GASK1B: variants seen among roughly 807,000 people sequenced by gnomAD.
The protein encoded by GASK1B is golgi associated kinase 1B.
In GASK1B, 34 loss-of-function variants were observed where a neutral mutation model predicts 42.8. The ratio of observed to expected loss-of-function variants is 0.79; its 90% CI spans 0.60 to 1.06. The LOEUF (loss-of-function observed/expected upper bound fraction) is 1.06. GASK1B is among the 50% of genes least tolerant of loss of function. The pLI is 0.00. For missense variants in GASK1B, 686 were observed against 661.0 expected (o/e 1.04, Z -0.42); for synonymous variants, 262 against 259.1 (o/e 1.01, Z -0.11).
intron 3 of GASK1B, among the ~76,000 whole-genome samples, chr4:158,138,242 T>C (rs1730980880): frequency 6.6e-6 from 1 of 152,166 alleles, no homozygotes. Flanking sequence ...CAACAATCTA[T>C]TTTTGGAGAA....
At chr4:158,163,284 G>C (rs1440035305) in intron 2 of GASK1B, among the ~76,000 whole-genome samples, 1 of 152,180 alleles carries the variant, frequency 6.6e-6, no homozygotes, top group Admixed American at 6.5e-5. Flanking sequence ...GCACTCAAGA[G>C]TGTTAGCTGG....
In GASK1B at chr4:158,125,491, G is replaced by T. The variant is rs908381469; in HGVS notation, c.*1916C>A. The T allele has an allele frequency of 2.6e-5, 4 of 152,094 alleles. No homozygotes were observed. The highest frequency in any genetic ancestry group is 9.7e-5 in the African/African-American group (4 of 41,434). The allele number at this position is 152,094 out of a possible 1,614,324, so 9.4% of individuals were successfully genotyped here. A position where few individuals can be genotyped will look rare whatever the true frequency, so the allele number is the denominator to read the frequency against. On this transcript the variant is annotated 3_prime_UTR_variant, in exon 5 of 5. Coordinates refer to ENST00000585682, the MANE Select transcript of GASK1B (RefSeq NM_001128424.2). ...GGATGTCAGGCAACTTGCCAAAAGA[G>T]TTATTTCAAGTCAGTGGCTCAAAGT...
At chr4:158,127,811 T>C (rs1451829732) in intron 4 of GASK1B, among the ~76,000 whole-genome samples, 197 bp from the exon 5 acceptor site, 5 of 152,178 alleles carry the variant, frequency 3.3e-5, no homozygotes, top group East Asian at 1.9e-4. Flanking sequence ...TCCAGTGAAC[T>C]GAATATTCTA....
chr4:158,127,507 T>C lies in GASK1B; in HGVS notation c.1460A>G (p.Gln487Arg). Reference protein sequence around the residue: ...KVYWESQGGRQGIEKLIDVIE... With the variant: ...KVYWESQGGRRGIEKLIDVIE... ...TACATCGATAAGCTTTTCAATTCCT[T>C]GTCTACCTCCTTGACTTTCCCAATA... The change falls in exon 5 of 5, where the codon CAA becomes CGA. Residue 487 changes from glutamine to arginine, a missense_variant. Physicochemically the swap from Gln to Arg is conservative, Grantham distance 43. Transcript: ENST00000585682. 1 of 1,613,848 alleles carries C rather than the reference T, an allele frequency of 6.2e-7. No homozygotes were observed. The highest frequency in any genetic ancestry group is 8.5e-7 in the Non-Finnish European group (1 of 1,179,826).
chr4:158,162,960 T>C (rs1220851089), intron 2 of GASK1B, among the ~76,000 whole-genome samples: 1 of 152,216 alleles, frequency 6.6e-6, no homozygotes, highest in African/African-American at 2.4e-5. Context: ...TACTGCACGC[T>C]ACCTGTAGGC....
At chr4:158,159,532 G>A (rs1731886535) in intron 2 of GASK1B, 1 of 450,346 alleles carries the variant, frequency 2.2e-6, no homozygotes, top group African/African-American at 2.0e-5. Flanking sequence ...GTGTTTCAGA[G>A]ATGAGAAGCA....
chr4:158,132,356 G>A (rs980033655), intron 3 of GASK1B, among the ~76,000 whole-genome samples: 1 of 152,106 alleles, frequency 6.6e-6, no homozygotes, highest in African/African-American at 2.4e-5. Context: ...AAGGGATGCC[G>A]AAAAGCAGTG....
intron 3 of GASK1B, among the ~76,000 whole-genome samples, chr4:158,146,656 A>G (rs1423284848): frequency 1.3e-5 from 2 of 152,242 alleles, no homozygotes; most frequent in African/African-American, 4.8e-5. Flanking sequence ...TGGGACTGAA[A>G]TGTAACTGAC....
intron 2 of GASK1B, among the ~76,000 whole-genome samples, chr4:158,166,888 C>G (rs551188274): frequency 2.0e-5 from 3 of 152,138 alleles, no homozygotes; most frequent in Admixed American, 2.0e-4. Context: ...TTGAGGGACG[C>G]AGATTTATGA....
chr4:158,134,339 A>C (rs1320868740), intron 3 of GASK1B, among the ~76,000 whole-genome samples: 1 of 152,214 alleles, frequency 6.6e-6, no homozygotes, highest in East Asian at 1.9e-4. Context: ...TTTAGTGCAC[A>C]CTTAAAACAT....
At chr4:158,136,022 C>A (rs550048591) in intron 3 of GASK1B, among the ~76,000 whole-genome samples, 2 of 152,134 alleles carry the variant, frequency 1.3e-5, no homozygotes, top group South Asian at 2.1e-4. Flanking sequence ...ACCAGATAAA[C>A]ATCTTGTTAG....
At chr4:158,170,384 T>G in intron 2 of GASK1B, 82 bp downstream of exon 2, 1 of 1,614,010 alleles carries the variant, frequency 6.2e-7, no homozygotes, top group Non-Finnish European at 8.5e-7. Context: ...GAAAAATCAT[T>G]TAGAAAAAGA....
chr4:158,133,209 T>A (rs1424567442), intron 3 of GASK1B, among the ~76,000 whole-genome samples: 1 of 152,178 alleles, frequency 6.6e-6, no homozygotes, highest in Non-Finnish European at 1.5e-5. Context: ...CACCCCTTTT[T>A]TTAAATACAC....
At position 158,124,937 on chromosome 4, in the gene GASK1B, G is replaced by A. The variant is rs1266647805; in HGVS notation, c.*2470C>T. 6.6e-6 allele frequency: 1 copy of A among 152,008 alleles called. No individual in the cohort carries two copies. Among genetic ancestry groups the A allele is most frequent in the African/African-American group, 2.4e-5 (1 of 41,420 alleles). 9.4% of individuals were successfully genotyped at this position (152,008 alleles called of 1,614,324 possible). A position where few individuals can be genotyped will look rare whatever the true frequency, so the allele number is the denominator to read the frequency against. ...AGCTTAAAGAAAGTAAGTCACACAAGAATAAGCTTTTGCATGTCTGCTAAG... is the reference window on the plus strand; with the variant it reads ...AGCTTAAAGAAAGTAAGTCACACAAAAATAAGCTTTTGCATGTCTGCTAAG... On this transcript the variant is annotated 3_prime_UTR_variant, in exon 5 of 5. Transcript: ENST00000585682.
chr4:158,162,158 A>G (rs1465985477), intron 2 of GASK1B, among the ~76,000 whole-genome samples: 1 of 152,104 alleles, frequency 6.6e-6, no homozygotes, highest in Non-Finnish European at 1.5e-5. Flanking sequence ...ACTTCTTCCA[A>G]AAGTATTTAT....
chr4:158,171,381 T>A lies in GASK1B; in HGVS notation c.-6A>T. 1 of 1,549,490 alleles carries A rather than the reference T, an allele frequency of 6.5e-7. No homozygotes were observed. Among genetic ancestry groups the A allele is most frequent in the South Asian group, 1.2e-5 (1 of 82,810 alleles). ...GGCTTGTCTGGACAGGTCATTTCTCTGCCGCATCCACATGTTGAACGGAGT... is the reference window on the plus strand; with the variant it reads ...GGCTTGTCTGGACAGGTCATTTCTCAGCCGCATCCACATGTTGAACGGAGT... On this transcript the variant is annotated 5_prime_UTR_variant, in exon 2 of 5. Transcript: ENST00000585682.
chr4:158,152,469 G>A (rs1336673289), intron 3 of GASK1B, among the ~76,000 whole-genome samples: 1 of 151,924 alleles, frequency 6.6e-6, no homozygotes, highest in Non-Finnish European at 1.5e-5. Context: ...GATAGGGAAA[G>A]AAGGAATCAT....
chr4:158,158,802 CAT>C (rs1228443176), intron 2 of GASK1B, among the ~76,000 whole-genome samples: 2 of 152,058 alleles, frequency 1.3e-5, no homozygotes, highest in African/African-American at 4.8e-5. Context: ...ACTTAAATTT[CAT>C]ATGAGTCTCA....
At chr4:158,144,852 A>C (rs747807029) in intron 3 of GASK1B, among the ~76,000 whole-genome samples, 20 of 152,224 alleles carry the variant, frequency 1.3e-4, no homozygotes, top group Non-Finnish European at 2.1e-4. Flanking sequence ...CAATAAATAC[A>C]TGGCTAGAGG....
Sources: gnomAD v4.1 joint callset for allele counts (sites outside exome capture counted in the v4.1 genomes callset) on GRCh38, gnomAD v4.1.1 for gene constraint, MANE v1.5 for transcripts, NCBI Gene and HGNC (gene_info 2026-07-23, HGNC 2026-07-21) for gene names.